The following TAB2 variants were observed in gnomAD, a reference collection of about 807,000 sequenced individuals.
The protein encoded by TAB2 is TGF-beta-activated kinase 1 and MAP3K7-binding protein 2.
A neutral mutation model predicts 65.0 loss-of-function variants in TAB2; 3 were observed. The ratio of observed to expected loss-of-function variants is 0.05; its 90% CI spans 0.02 to 0.12. The LOEUF (loss-of-function observed/expected upper bound fraction) is 0.12, where lower values mean the gene tolerates loss of function less well. TAB2 is among the 10% of genes least tolerant of loss of function. The pLI is 1.00. For synonymous variants in TAB2, 298 were observed against 285.1 expected, an observed-to-expected ratio of 1.05 and a Z score of -0.46; for missense variants, 623 against 840.3, an observed-to-expected ratio of 0.74 and a Z score of 3.20.
chr6:149,276,907 T>C (rs951760205), intron 1 of TAB2, among the ~76,000 whole-genome samples: 45 of 152,236 alleles, frequency 3.0e-4, no homozygotes, highest in African/African-American at 1.1e-3. Context: ...TCCCACGTGT[T>C]GTGGGAGGGA....
At chr6:149,250,612 AC>A (rs1276736685) in intron 1 of TAB2, among the ~76,000 whole-genome samples, 1 of 151,954 alleles carries the variant, frequency 6.6e-6, no homozygotes, top group Middle Eastern at 3.2e-3. Context: ...AGCCAACCAA[AC>A]TTTTTTAAAT....
intron 3 of TAB2, among the ~76,000 whole-genome samples, chr6:149,390,398 C>T (rs1021145886): frequency 6.6e-6 from 1 of 152,134 alleles, no homozygotes; most frequent in Non-Finnish European, 1.5e-5. Flanking sequence ...ATCTACAAGT[C>T]CCTAGTATAT....
intron 3 of TAB2, among the ~76,000 whole-genome samples, chr6:149,386,374 A>G (rs1368655021): frequency 1.3e-5 from 2 of 152,204 alleles, no homozygotes; most frequent in East Asian, 1.9e-4. Context: ...ATGTGCAGCC[A>G]TCACCCAGCC....
chr6:149,367,928 G>C (rs1042985677), intron 1 of TAB2, among the ~76,000 whole-genome samples: 1 of 152,118 alleles, frequency 6.6e-6, no homozygotes, highest in Non-Finnish European at 1.5e-5. Context: ...CACAAAAGGA[G>C]ATGTCAGTTA....
At chr6:149,331,325 T>C (rs1205426627) in intron 1 of TAB2, among the ~76,000 whole-genome samples, 1 of 152,170 alleles carries the variant, frequency 6.6e-6, no homozygotes, top group African/African-American at 2.4e-5. Flanking sequence ...CAATTGTAAG[T>C]GATACTGTGT....
At chr6:149,268,305 A>G (rs1436228250) in intron 1 of TAB2, among the ~76,000 whole-genome samples, 1 of 152,202 alleles carries the variant, frequency 6.6e-6, no homozygotes, top group African/African-American at 2.4e-5. Flanking sequence ...CCAGCAACAA[A>G]AAAGAGAAAA....
chr6:149,288,837 A>AT (rs1057312865), intron 1 of TAB2, among the ~76,000 whole-genome samples: 4 of 142,120 alleles, frequency 2.8e-5, no homozygotes, highest in Non-Finnish European at 4.5e-5. Flanking sequence ...GACCAGAGTG[A>AT]TTTTTTTTAA....
chr6:149,321,819 A>G (rs900989938), intron 1 of TAB2, among the ~76,000 whole-genome samples: 2 of 152,196 alleles, frequency 1.3e-5, no homozygotes, highest in Admixed American at 1.3e-4. Flanking sequence ...AAAGATGTCT[A>G]TGAAAATTGA....
intron 1 of TAB2, among the ~76,000 whole-genome samples, chr6:149,299,708 A>G (rs1196044335): frequency 6.6e-6 from 1 of 152,236 alleles, no homozygotes; most frequent in African/African-American, 2.4e-5. Flanking sequence ...AAAGCTAGAT[A>G]AACTAGATAA....
In TAB2 at chr6:149,379,119, C is replaced by T. The variant is rs746921297; in HGVS notation, c.1204C>T (p.Arg402Trp). ...NAATGDEQVM[R>W]NQPTLFISTN... ...TGCCACAGGAGATGAACAGGTCATG[C>T]GGAATCAGCCCACACTCTTCATATC... Residue 402 changes from arginine to tryptophan, a missense_variant, in exon 3 of 7, where the codon CGG (arginine) becomes TGG (tryptophan). This residue lies in a region of TAB2 where 550 missense variants were observed against 665.7 expected (regional missense o/e 0.83). Coordinates refer to ENST00000637181, the MANE Select transcript of TAB2 (RefSeq NM_001292034.3). 6.2e-6 allele frequency: 10 copies of T among 1,613,974 alleles called. No individual in the cohort carries two copies. The highest frequency in any genetic ancestry group is 1.3e-5 in the African/African-American group (1 of 74,878).
chr6:149,399,159 A>G lies in TAB2; in HGVS notation c.1914A>G (p.Val638=), dbSNP rs1463468614. 5 of 1,613,462 alleles carry G rather than the reference A, an allele frequency of 3.1e-6. No individual in the cohort carries two copies. Among genetic ancestry groups the G allele is most frequent in the Non-Finnish European group, 4.2e-6 (5 of 1,179,654 alleles). Residue 638 remains valine, a synonymous_variant, in exon 6 of 7, where the codon GTA becomes GTG. Transcript: ENST00000637181. ...ACTTTTATGACAATATTGGATTTGTAGGTCCTGTGCCACCAAAACCCAAAG... is the reference window on the plus strand; with the variant it reads ...ACTTTTATGACAATATTGGATTTGTGGGTCCTGTGCCACCAAAACCCAAAG... ...IHNFYDNIGF[V]GPVPPKPKDQ... is the part of the protein sequence containing the mutation.
At chr6:149,382,521 G>A (rs1451451760) in intron 3 of TAB2, among the ~76,000 whole-genome samples, 3 of 152,074 alleles carry the variant, frequency 2.0e-5, no homozygotes, top group East Asian at 1.9e-4. Flanking sequence ...GCTTGAGCCC[G>A]GGAGGCAGAG....
intron 1 of TAB2, among the ~76,000 whole-genome samples, chr6:149,253,965 A>G (rs1777922550): frequency 2.8e-5 from 2 of 72,708 alleles, no homozygotes; most frequent in South Asian, 4.9e-4. Flanking sequence ...AGAAAAAGAA[A>G]GAAAGAAAGA....
intron 2 of TAB2, among the ~76,000 whole-genome samples, chr6:149,375,574 GATTTGGTAGGGAATGTAA>G (rs943828009): frequency 2.0e-5 from 3 of 152,116 alleles, no homozygotes; most frequent in Admixed American, 6.6e-5. Flanking sequence ...TGTGGAATTG[GATTTGGTAGGGAATGTAA>G]ATTTTAAATT....
intron 3 of TAB2, among the ~76,000 whole-genome samples, chr6:149,387,342 TC>T (rs1269652424): frequency 2.0e-5 from 3 of 152,170 alleles, no homozygotes; most frequent in Non-Finnish European, 4.4e-5. Flanking sequence ...TATCCAAGTA[TC>T]CCAGCACCAT....
In TAB2 at chr6:149,230,503, G is replaced by A. The variant is rs181134994; in HGVS notation, c.-121+11727G>A. Among the ~76,000 whole-genome samples the A allele has an allele frequency of 5.7e-3, 862 of 152,286 alleles. 5 individuals carry two copies. Among genetic ancestry groups the A allele is most frequent in the Non-Finnish European group, 9.2e-3 (623 of 68,026 alleles). On this transcript the variant is annotated intron_variant, in intron 1 of 1. Transcript: ENST00000606202. ...CTTAAAAGGCCAATAAACTGATTTGGTCCAACTTAGATCAATAATAGATAT... is the reference window on the plus strand; with the variant it reads ...CTTAAAAGGCCAATAAACTGATTTGATCCAACTTAGATCAATAATAGATAT...
intron 1 of TAB2, among the ~76,000 whole-genome samples, chr6:149,277,300 A>G (rs1778494025): frequency 6.6e-6 from 1 of 152,214 alleles, no homozygotes; most frequent in Non-Finnish European, 1.5e-5. Context: ...GAAAAGTCTG[A>G]TTAAATAAAA....
intron 1 of TAB2, among the ~76,000 whole-genome samples, chr6:149,255,784 G>A (rs936438557): frequency 1.3e-5 from 2 of 152,184 alleles, no homozygotes; most frequent in African/African-American, 4.8e-5. Flanking sequence ...GTATTTTTAA[G>A]TAATCAAGAA....
At chr6:149,325,092 A>G (rs1220584313) in intron 1 of TAB2, among the ~76,000 whole-genome samples, 6 of 152,290 alleles carry the variant, frequency 3.9e-5, no homozygotes, top group Admixed American at 3.9e-4. Context: ...TTAACTAAAT[A>G]TCTTAATTTT....
Sources: gnomAD v4.1 joint callset for allele counts (sites outside exome capture counted in the v4.1 genomes callset) on GRCh38, gnomAD v4.1.1 for gene constraint, gnomAD v4.1.1 regional missense constraint, MANE v1.5 for transcripts, NCBI Gene and HGNC (gene_info 2026-07-23, HGNC 2026-07-21) for gene names.